The following PLXND1 variants were observed in gnomAD, a reference collection of about 807,000 sequenced individuals.
The protein encoded by PLXND1 is plexin-D1.
Under a neutral mutation model 197.7 loss-of-function variants are expected in PLXND1, and 54 were observed. That is an observed-to-expected ratio of 0.27 (90% CI 0.22 to 0.34). The LOEUF (loss-of-function observed/expected upper bound fraction) is 0.34, where lower values mean the gene tolerates loss of function less well. Among genes scored for constraint, PLXND1 ranks in the 10% least tolerant of loss-of-function variants. The pLI, the probability that PLXND1 is intolerant of heterozygous loss-of-function variation, is 1.00. For missense variants in PLXND1, 2,127 were observed against 2,699.2 expected (o/e 0.79, Z 4.70); for synonymous variants, 1,180 against 1,161.2 (o/e 1.02, Z -0.33).
chr3:129,595,588 A>G (rs1021980476), intron 1 of PLXND1, among the ~76,000 whole-genome samples: 12 of 152,214 alleles, frequency 7.9e-5, no homozygotes, highest in African/African-American at 2.9e-4. Flanking sequence ...CAGAGGCTTC[A>G]GACAAACGGC....
At chr3:129,575,936 A>G in intron 9 of PLXND1, 81 bp from the exon 10 acceptor site, 3 of 806,272 alleles carry the variant, frequency 3.7e-6, no homozygotes, top group Non-Finnish European at 6.5e-6. Context: ...GCAGGACACC[A>G]CGGGCTCCTG....
chr3:129,565,610 G>A (rs1163094319), intron 24 of PLXND1, 72 bp from the exon 25 acceptor site: 45 of 1,333,644 alleles, frequency 3.4e-5, no homozygotes, highest in South Asian at 1.2e-4. Context: ...TCTCAGTGCC[G>A]CCTCATCCCC....
Position 129,573,831 on chromosome 3 carries a change from G to C in PLXND1, c.2686-86C>G, listed in dbSNP as rs2085272399. On this transcript the variant is annotated intron_variant, in intron 12 of 35. Transcript: ENST00000324093. ...GCCCACAGTCACAGGCACCCAGCAG[G>C]GCACAGCCGTGCAGACCCACTGCTT... The C allele has an allele frequency of 1.2e-5, 18 of 1,463,448 alleles. No homozygotes were observed. The South Asian group carries it at 2.0e-4, about 17-fold the overall frequency. 90.7% of individuals were successfully genotyped at this position (1,463,448 alleles called of 1,614,324 possible). A position where few individuals can be genotyped will look rare whatever the true frequency, so the allele number is the denominator to read the frequency against.
chr3:129,565,658 C>A, intron 24 of PLXND1, 120 bp from the exon 25 acceptor site: 2 of 957,190 alleles, frequency 2.1e-6, no homozygotes, highest in Non-Finnish European at 3.1e-6. Context: ...GTGGGTGGGT[C>A]CTGCGAGGGG....
At chr3:129,567,386 G>C (rs1268392680) in intron 22 of PLXND1, 106 bp downstream of exon 22, 2 of 700,014 alleles carry the variant, frequency 2.9e-6, no homozygotes, top group Non-Finnish European at 5.2e-6. Context: ...CAGCTGTGCA[G>C]GTTTGGCACT....
chr3:129,562,144 G>C (rs1027027702), intron 27 of PLXND1, among the ~76,000 whole-genome samples: 11 of 152,154 alleles, frequency 7.2e-5, no homozygotes, highest in African/African-American at 2.7e-4. Flanking sequence ...GAGGAGCTCT[G>C]GAAATGGCCT....
chr3:129,602,186 A>G (rs2085718354), intron 1 of PLXND1, among the ~76,000 whole-genome samples: 1 of 152,196 alleles, frequency 6.6e-6, no homozygotes, highest in Admixed American at 6.5e-5. Context: ...GGGGAGACTC[A>G]GGTGCCTGCT....
Position 129,572,875 on chromosome 3 carries a change from C to T in PLXND1, c.2904G>A (p.Lys968=). 10 of 1,613,918 alleles carry T rather than the reference C, an allele frequency of 6.2e-6. No individual in the cohort carries two copies. Among genetic ancestry groups the T allele is most frequent in the Non-Finnish European group, 8.5e-6 (10 of 1,179,924 alleles). ...LSGVVTVNAS[K]EGKSRDRFSY... ...AGAAGCGGTCCCGGGACTTGCCCTC[C>T]TTAGAGGCGTTCACGGTCACCACAC... is the stretch of plus-strand genomic sequence containing the variant. Residue 968 remains lysine (K), a synonymous_variant, in exon 14 of 36, where the codon AAG becomes AAA. Coordinates refer to ENST00000324093, the MANE Select transcript of PLXND1 (RefSeq NM_015103.3).
intron 12 of PLXND1, 29 bp from the exon 13 acceptor site, chr3:129,573,774 T>C (rs766321904): frequency 1.1e-5 from 17 of 1,607,446 alleles, no homozygotes; most frequent in African/African-American, 6.7e-5. Flanking sequence ...GAGGGGCGAA[T>C]GGGATCTGAG....
At chr3:129,590,402 G>A (rs1177735213) in intron 1 of PLXND1, among the ~76,000 whole-genome samples, 1 of 152,060 alleles carries the variant, frequency 6.6e-6, no homozygotes, top group Non-Finnish European at 1.5e-5. Flanking sequence ...TAGAAAACAG[G>A]CCTCCAGGAA....
At chr3:129,573,523 G>C in intron 13 of PLXND1, 71 bp downstream of exon 13, 1 of 1,392,364 alleles carries the variant, frequency 7.2e-7, no homozygotes, top group Non-Finnish European at 1.0e-6. Flanking sequence ...GATGGGGAGG[G>C]AGGAGTGAGG....
At chr3:129,605,302 G>GCCC (rs1330990835) in intron 1 of PLXND1, 27 bp downstream of exon 1, 1 of 1,092,510 alleles carries the variant, frequency 9.2e-7, no homozygotes, top group African/African-American at 1.7e-5. Flanking sequence ...CGCCGCCGCC[G>GCCC]CCGCCGCCGC....
intron 25 of PLXND1, among the ~76,000 whole-genome samples, chr3:129,564,285 G>A (rs917283708): frequency 2.6e-5 from 4 of 152,248 alleles, no homozygotes; most frequent in African/African-American, 9.6e-5. Context: ...AGGAAACCAA[G>A]GCCCACAGAG....
chr3:129,593,501 C>T (rs1456777926), intron 1 of PLXND1, among the ~76,000 whole-genome samples: 2 of 152,258 alleles, frequency 1.3e-5, no homozygotes, highest in African/African-American at 2.4e-5. Flanking sequence ...TGTGGCTCAG[C>T]CCCCCAACTC....
At position 129,565,985 on chromosome 3, in the gene PLXND1, C is replaced by G. The variant is rs1311592465; in HGVS notation, c.4224G>C (p.Glu1408Asp). The change falls in exon 24 of 36, where the codon GAG becomes GAC. Residue 1408 changes from glutamate to aspartate, a missense_variant. Physicochemically the swap from Glu to Asp is conservative, Grantham distance 45. Transcript: ENST00000324093. ...IPESCRPNME[E>D]GISLFSSLLN... ...GTAGTGAGGAGAACAAGCTAATTCC[C>G]TCTTCCATGTTGGGCCGGCAGCTCT... The G allele has an allele frequency of 6.2e-7, 1 of 1,614,042 alleles. No individual in the cohort carries two copies. Among genetic ancestry groups the G allele is most frequent in the African/African-American group, 1.3e-5 (1 of 74,940 alleles).
intron 26 of PLXND1, 64 bp from the exon 27 acceptor site, chr3:129,563,007 G>C: frequency 3.1e-6 from 5 of 1,607,552 alleles, no homozygotes; most frequent in Non-Finnish European, 4.3e-6. Context: ...CAGTGCCCAG[G>C]CAGCAAGGCC....
In PLXND1 at chr3:129,560,235, C is replaced by T. The variant is rs571079144; in HGVS notation, c.5133+95G>A. 3.3e-4 allele frequency: 254 copies of T among 766,690 alleles called. No individual in the cohort carries two copies. The African/African-American group carries it at 3.9e-3, about 12-fold the overall frequency. The allele number at this position is 766,690 out of a possible 1,614,324, so 47.5% of individuals were successfully genotyped here. The stretch of plus-strand genomic sequence containing the variant: ...GAAGAACTCACACCCCTCTCCCAGC[C>T]GCGGGTGCACAGCTGGCCCTGAGCA... On this transcript the variant is annotated intron_variant, in intron 31 of 35. Coordinates refer to ENST00000324093, the MANE Select transcript of PLXND1 (RefSeq NM_015103.3).
At chr3:129,579,978 G>T (rs1204484781) in intron 8 of PLXND1, among the ~76,000 whole-genome samples, 15 of 152,144 alleles carry the variant, frequency 9.9e-5, no homozygotes. Context: ...AGCTCATCTA[G>T]CCCTCCCTCT....
chr3:129,574,380 G>A lies in PLXND1; in HGVS notation c.2641C>T (p.Leu881=). The stretch of plus-strand genomic sequence containing the variant: ...GGGCAGGTGCCAGCCATGGGCTGCA[G>A]AGGCCCCCGCAGGCGGCAGCCATCA... ...WSDGCRLRGP[L]QPMAGTCPAP... Residue 881 remains leucine, a synonymous_variant, in exon 12 of 36, where the codon CTG becomes TTG. Transcript: ENST00000324093. 3.1e-6 allele frequency: 5 copies of A among 1,611,208 alleles called. No individual in the cohort carries two copies. Among genetic ancestry groups the A allele is most frequent in the Middle Eastern group, 1.7e-4 (1 of 6,020 alleles).
Sources: gnomAD v4.1 joint callset for allele counts (sites outside exome capture counted in the v4.1 genomes callset) on GRCh38, gnomAD v4.1.1 for gene constraint, MANE v1.5 for transcripts, NCBI Gene and HGNC (gene_info 2026-07-23, HGNC 2026-07-21) for gene names.